ARL15: variants seen among roughly 807,000 people sequenced by gnomAD.
ARL15 encodes ARF like GTPase 15.
ARL15 carries 19 observed loss-of-function variants against 25.2 expected under a neutral mutation model. That is an observed-to-expected ratio of 0.75 (90% CI 0.53 to 1.10). ARL15 has a LOEUF of 1.10. Ranked by LOEUF, ARL15 falls within the 50% of genes least tolerant of loss-of-function variation. The pLI is 0.00. For synonymous variants in ARL15, 94 were observed against 86.8 expected (o/e 1.08, Z -0.46); for missense variants, 220 against 246.0 (o/e 0.89, Z 0.71).
rs939094222 is a variant in ARL15 at position 54,216,727 on chromosome 5, G to C, written c.49-44799C>G. Among the ~76,000 whole-genome samples, 3 of 152,086 alleles carry C rather than the reference G, an allele frequency of 2.0e-5. No homozygotes were observed. In the East Asian group the frequency reaches 5.8e-4, roughly 29 times the overall value. ...AAAAAATATAACAGAAAAATCTGTT[G>C]GGAATTACATGCTGTAACTAAGTGC... On this transcript the variant is annotated intron_variant, in intron 1 of 4. Transcript: ENST00000504924.
intron 4 of ARL15, among the ~76,000 whole-genome samples, chr5:53,991,848 C>T (rs967794147): frequency 6.6e-6 from 1 of 152,098 alleles, no homozygotes; most frequent in Non-Finnish European, 1.5e-5. Context: ...TAAGTACCTA[C>T]GTTCAAACAA....
intron 1 of ARL15, among the ~76,000 whole-genome samples, chr5:54,193,630 T>C (rs1468662472): frequency 2.0e-5 from 3 of 152,008 alleles, no homozygotes; most frequent in Admixed American, 1.3e-4. Flanking sequence ...CCCCAGTCGA[T>C]AGAAAAACTG....
chr5:53,939,791 C>G (rs1383065478), intron 4 of ARL15, among the ~76,000 whole-genome samples: 1 of 152,126 alleles, frequency 6.6e-6, no homozygotes, highest in African/African-American at 2.4e-5. Flanking sequence ...TGCTACATCA[C>G]TCACTATTCC....
At chr5:53,934,912 A>G (rs1376441071) in intron 4 of ARL15, among the ~76,000 whole-genome samples, 1 of 152,228 alleles carries the variant, frequency 6.6e-6, no homozygotes, top group Non-Finnish European at 1.5e-5. Flanking sequence ...ATACTGGGAC[A>G]ATGGCTGCTA....
chr5:54,014,423 C>T (rs1749345520), intron 4 of ARL15, among the ~76,000 whole-genome samples: 1 of 152,292 alleles, frequency 6.6e-6, no homozygotes, highest in East Asian at 1.9e-4. Flanking sequence ...AATCTCTGTT[C>T]TTCATCCATT....
intron 1 of ARL15, among the ~76,000 whole-genome samples, chr5:54,199,841 A>C (rs1755659749): frequency 2.0e-5 from 1 of 50,890 alleles, no homozygotes; most frequent in Non-Finnish European, 4.8e-5. Flanking sequence ...AGACACATGC[A>C]CACATATGTT....
At chr5:54,299,342 G>T (rs1264347766) in intron 1 of ARL15, among the ~76,000 whole-genome samples, 1 of 152,080 alleles carries the variant, frequency 6.6e-6, no homozygotes, top group East Asian at 1.9e-4. Context: ...CATGGCTATG[G>T]CTTCAGCTAC....
chr5:54,186,525 C>T (rs1017656306), intron 1 of ARL15, among the ~76,000 whole-genome samples: 1 of 152,170 alleles, frequency 6.6e-6, no homozygotes, highest in Admixed American at 6.5e-5. Flanking sequence ...GCTGAACACA[C>T]AGATAAAGGC....
chr5:53,955,872 T>C (rs1050712928), intron 4 of ARL15, among the ~76,000 whole-genome samples: 1 of 152,206 alleles, frequency 6.6e-6, no homozygotes, highest in African/African-American at 2.4e-5. Context: ...TGAAGAACTT[T>C]GTTTCACCTA....
intron 4 of ARL15, among the ~76,000 whole-genome samples, chr5:53,898,808 A>G (rs552271982): frequency 1.3e-5 from 2 of 151,498 alleles, no homozygotes; most frequent in South Asian, 2.1e-4. Context: ...GTGTACCACC[A>G]TGCCTGGCTA....
At chr5:54,097,366 AAC>A (rs1206168228) in intron 4 of ARL15, among the ~76,000 whole-genome samples, 2 of 152,196 alleles carry the variant, frequency 1.3e-5, no homozygotes, top group Non-Finnish European at 2.9e-5. Context: ...ACCAGCCAAT[AAC>A]ACTGCCATTT....
chr5:54,156,534 A>G (rs1224704384), intron 2 of ARL15, among the ~76,000 whole-genome samples: 1 of 152,246 alleles, frequency 6.6e-6, no homozygotes, highest in Non-Finnish European at 1.5e-5. Flanking sequence ...CTGCCTGAAT[A>G]TAATTACAAA....
intron 2 of ARL15, among the ~76,000 whole-genome samples, chr5:54,166,905 G>A (rs1033400148): frequency 1.3e-5 from 2 of 152,058 alleles, no homozygotes; most frequent in African/African-American, 2.4e-5. Context: ...TTACCTTGTT[G>A]AGTGATGAAT....
chr5:54,128,775 A>G (rs1464038757), intron 3 of ARL15, among the ~76,000 whole-genome samples: 1 of 145,064 alleles, frequency 6.9e-6, no homozygotes, highest in Non-Finnish European at 1.5e-5. Flanking sequence ...GCGCAATCTC[A>G]GCGCACTACA....
At chr5:54,257,084 T>A (rs944736477) in intron 1 of ARL15, among the ~76,000 whole-genome samples, 2 of 152,208 alleles carry the variant, frequency 1.3e-5, no homozygotes, top group Admixed American at 1.3e-4. Flanking sequence ...CTGGAAGTCC[T>A]AGCCAGGGCA....
chr5:54,078,836 AAAT>A (rs1299401259), intron 4 of ARL15, among the ~76,000 whole-genome samples: 1 of 152,232 alleles, frequency 6.6e-6, no homozygotes, highest in Non-Finnish European at 1.5e-5. Flanking sequence ...AATCAGCTTA[AAAT>A]AATCATTAAA....
chr5:54,183,804 T>C (rs1394749404), intron 1 of ARL15, among the ~76,000 whole-genome samples: 5 of 151,356 alleles, frequency 3.3e-5, no homozygotes, highest in African/African-American at 1.2e-4. Context: ...TGCACACGTA[T>C]GTTTATTGCG....
intron 1 of ARL15, among the ~76,000 whole-genome samples, chr5:54,226,777 A>G (rs1756529263): frequency 6.6e-6 from 1 of 152,182 alleles, no homozygotes; most frequent in South Asian, 2.1e-4. Context: ...AACTCAACAC[A>G]TCTGATACGG....
intron 1 of ARL15, among the ~76,000 whole-genome samples, chr5:54,176,974 C>T (rs1754893211): frequency 6.6e-6 from 1 of 152,160 alleles, no homozygotes; most frequent in Non-Finnish European, 1.5e-5. Flanking sequence ...CCCAGTTCAG[C>T]CCAAGACACT....
Sources: allele counts gnomAD v4.1 joint callset (sites outside exome capture counted in the v4.1 genomes callset), GRCh38; gene constraint gnomAD v4.1.1; transcripts MANE v1.5; gene names NCBI Gene and HGNC (gene_info 2026-07-23, HGNC 2026-07-21).